The following IQCB1 variants were observed in gnomAD, a reference collection of about 807,000 sequenced individuals.
The protein encoded by IQCB1 is IQ calmodulin-binding motif-containing protein 1.
Under a neutral mutation model 84.4 loss-of-function variants are expected in IQCB1, and 56 were observed. That is an observed-to-expected ratio of 0.66 (90% CI 0.54 to 0.83). The LOEUF is 0.83. IQCB1 is among the 40% of genes least tolerant of loss of function. The pLI is 0.00. For synonymous variants in IQCB1, 210 were observed against 234.8 expected (o/e 0.89, Z 0.96); for missense variants, 629 against 682.1 (o/e 0.92, Z 0.87).
chr3:121,782,926 C>T (rs879051598), intron 12 of IQCB1, among the ~76,000 whole-genome samples: 5 of 152,160 alleles, frequency 3.3e-5, no homozygotes, highest in South Asian at 2.1e-4. Context: ...CTGCCCGCCT[C>T]GGCCTCCCAA....
chr3:121,795,178 T>C (rs1187876262), intron 10 of IQCB1, among the ~76,000 whole-genome samples: 1 of 152,066 alleles, frequency 6.6e-6, no homozygotes, highest in African/African-American at 2.4e-5. Context: ...GGTTTAATAA[T>C]ATAACTATCA....
intron 5 of IQCB1, among the ~76,000 whole-genome samples, chr3:121,814,987 T>C (rs530060770): frequency 5.7e-4 from 87 of 152,316 alleles, no homozygotes; most frequent in South Asian, 2.9e-3. Flanking sequence ...GTATCTCTCA[T>C]GAACATCAAT....
intron 9 of IQCB1, among the ~76,000 whole-genome samples, 153 bp downstream of exon 9, chr3:121,796,965 C>T (rs1329649296): frequency 6.6e-6 from 1 of 152,076 alleles, no homozygotes; most frequent in African/African-American, 2.4e-5. Context: ...CCTCCTGCCT[C>T]AACCTCCTGA....
chr3:121,786,021 A>T (rs941288033), intron 12 of IQCB1, among the ~76,000 whole-genome samples: 6 of 132,038 alleles, frequency 4.5e-5, no homozygotes, highest in Non-Finnish European at 8.1e-5. Context: ...AAAAAAAAAA[A>T]TTAGCTGGGC....
chr3:121,829,955 C>A (rs1000723844), intron 2 of IQCB1, among the ~76,000 whole-genome samples: 2 of 152,080 alleles, frequency 1.3e-5, no homozygotes, highest in East Asian at 3.9e-4. Context: ...ACCTATAATC[C>A]CAGCACTTTG....
intron 10 of IQCB1, among the ~76,000 whole-genome samples, chr3:121,792,815 T>A (rs1949045128): frequency 6.6e-6 from 1 of 152,184 alleles, no homozygotes; most frequent in Admixed American, 6.5e-5. Flanking sequence ...CCCCATTTAT[T>A]ATTAAATAAC....
intron 13 of IQCB1, among the ~76,000 whole-genome samples, chr3:121,773,702 C>T (rs975407848): frequency 6.6e-6 from 1 of 151,826 alleles, no homozygotes; most frequent in Non-Finnish European, 1.5e-5. Flanking sequence ...TAAAGAAGCA[C>T]TTTAAAAAAA....
At chr3:121,820,461 C>A (rs551189760) in intron 5 of IQCB1, among the ~76,000 whole-genome samples, 118 of 152,232 alleles carry the variant, frequency 7.8e-4, no homozygotes, top group Admixed American at 1.8e-3. Flanking sequence ...ACACCACATC[C>A]CTAGGAAAGC....
intron 2 of IQCB1, 24 bp from the exon 3 acceptor site, chr3:121,828,996 A>G: frequency 7.7e-7 from 1 of 1,291,328 alleles, no homozygotes. Context: ...GAATCAGAGA[A>G]TAAAGGTCAA....
intron 7 of IQCB1, among the ~76,000 whole-genome samples, chr3:121,806,117 A>T (rs974636027): frequency 6.6e-6 from 1 of 152,018 alleles, no homozygotes; most frequent in African/African-American, 2.4e-5. Context: ...TTCAGGTGGG[A>T]GGATAAATGC....
At position 121,798,731 on chromosome 3, in the gene IQCB1, A is replaced by G. The variant is rs1233402269; in HGVS notation, c.766+465T>C. 2.0e-5 allele frequency among the ~76,000 whole-genome samples: 3 copies of G among 151,874 alleles called. No individual in the cohort carries two copies. The East Asian group carries it at 5.8e-4, about 29-fold the overall frequency. ...TCAAAATTTCTGACTTTTAATTCAC[A>G]TATGTATTTGATTTTGGAGGTAAGG... is the stretch of plus-strand genomic sequence containing the variant. On this transcript the variant is annotated intron_variant, in intron 8 of 14. Coordinates refer to ENST00000310864, the MANE Select transcript of IQCB1 (RefSeq NM_001023570.4).
chr3:121,819,171 A>G (rs1202101676), intron 5 of IQCB1, among the ~76,000 whole-genome samples: 2 of 152,140 alleles, frequency 1.3e-5, no homozygotes, highest in Non-Finnish European at 2.9e-5. Flanking sequence ...TATACAACTC[A>G]CCATAATGTA....
chr3:121,782,115 A>G (rs1948521473), intron 12 of IQCB1, among the ~76,000 whole-genome samples: 2 of 152,046 alleles, frequency 1.3e-5, no homozygotes. Flanking sequence ...AATGAAGAGG[A>G]AAAAAAAGCA....
intron 2 of IQCB1, 91 bp from the exon 3 acceptor site, chr3:121,829,063 T>C (rs1213671446): frequency 1.3e-6 from 1 of 749,480 alleles, no homozygotes; most frequent in Non-Finnish European, 2.3e-6. Context: ...TCAATATAAA[T>C]AAAAACAGCT....
intron 11 of IQCB1, among the ~76,000 whole-genome samples, chr3:121,789,262 C>T (rs1351927332): frequency 1.3e-5 from 2 of 152,188 alleles, no homozygotes; most frequent in East Asian, 1.9e-4. Flanking sequence ...TCAGGTCCTT[C>T]AGTGCACTAG....
chr3:121,775,995 CTCTG>C (rs547289880), intron 13 of IQCB1, among the ~76,000 whole-genome samples: 4 of 152,172 alleles, frequency 2.6e-5, no homozygotes, highest in Middle Eastern at 3.4e-3. Flanking sequence ...ATGTATTCTA[CTCTG>C]TCTGGCTTCT....
At chr3:121,801,314 C>T (rs1020031617) in intron 7 of IQCB1, among the ~76,000 whole-genome samples, 2 of 151,986 alleles carry the variant, frequency 1.3e-5, no homozygotes, top group African/African-American at 2.4e-5. Flanking sequence ...TTGTTTTTCA[C>T]AAATAAAGCT....
chr3:121,789,912 C>A (rs1232628699), intron 11 of IQCB1, among the ~76,000 whole-genome samples, 161 bp downstream of exon 11: 1 of 152,038 alleles, frequency 6.6e-6, no homozygotes, highest in Non-Finnish European at 1.5e-5. Context: ...AAAACAGTAA[C>A]CGTTTTTGAA....
At chr3:121,834,360 G>A (rs1708137898) in intron 2 of IQCB1, 31 bp downstream of exon 2, 1 of 152,110 alleles carries the variant, frequency 6.6e-6, no homozygotes, top group Non-Finnish European at 1.5e-5. Context: ...GACACAAAAA[G>A]ACAATTATTT....
Sources: allele counts gnomAD v4.1 joint callset (sites outside exome capture counted in the v4.1 genomes callset), GRCh38; gene constraint gnomAD v4.1.1; transcripts MANE v1.5; gene names NCBI Gene and HGNC (gene_info 2026-07-23, HGNC 2026-07-21).